NAALAD2: variants seen among roughly 807,000 people sequenced by gnomAD.
NAALAD2 encodes N-acetylated-alpha-linked acidic dipeptidase 2.
Under a neutral mutation model 95.6 loss-of-function variants are expected in NAALAD2, and 89 were observed. The observed-to-expected ratio is 0.93, with a 90% CI of 0.78 to 1.11. The LOEUF (loss-of-function observed/expected upper bound fraction) is 1.11, where lower values mean the gene tolerates loss of function less well. Ranked by LOEUF, NAALAD2 falls within the 50% of genes least tolerant of loss-of-function variation. The pLI, the probability that NAALAD2 is intolerant of heterozygous loss-of-function variation, is 0.00. For missense variants in NAALAD2, 894 were observed against 872.4 expected (o/e 1.02, Z -0.31); for synonymous variants, 264 against 294.4 (o/e 0.90, Z 1.06).
At chr11:90,139,241 A>G (rs1951540905) in intron 2 of NAALAD2, among the ~76,000 whole-genome samples, 1 of 151,784 alleles carries the variant, frequency 6.6e-6, no homozygotes, top group African/African-American at 2.4e-5. Context: ...TTGTTGTACA[A>G]ACAAAAGACT....
chr11:90,133,802 G>A (rs1046448668), upstream of NAALAD2, among the ~76,000 whole-genome samples: 5 of 151,290 alleles, frequency 3.3e-5, no homozygotes, highest in Non-Finnish European at 7.4e-5. Flanking sequence ...ATATTAGTTC[G>A]GTTAATGAAA....
At chr11:90,155,642 A>T (rs1952079562) in intron 6 of NAALAD2, among the ~76,000 whole-genome samples, 1 of 86,558 alleles carries the variant, frequency 1.2e-5, no homozygotes, top group Admixed American at 1.5e-4. Context: ...ATATATATAT[A>T]ATTATTACAT....
At chr11:90,183,141 A>G in intron 18 of NAALAD2, 133 bp downstream of exon 18, 1 of 589,800 alleles carries the variant, frequency 1.7e-6, no homozygotes, top group Admixed American at 2.7e-5. Context: ...AAGATTGTAC[A>G]TTTAATAATA....
At chr11:90,161,936 AAAC>A (rs568110905) in intron 8 of NAALAD2, among the ~76,000 whole-genome samples, 177 of 152,212 alleles carry the variant, frequency 1.2e-3, no homozygotes, top group African/African-American at 4.2e-3. Flanking sequence ...AAAAAAAAAA[AAAC>A]ATCGATTAGT....
chr11:90,174,459 C>T (rs1036942729), intron 14 of NAALAD2, among the ~76,000 whole-genome samples: 6 of 152,068 alleles, frequency 3.9e-5, no homozygotes, highest in South Asian at 4.1e-4. Flanking sequence ...AAAATAGTTT[C>T]GCTACATTAT....
intron 12 of NAALAD2, 70 bp downstream of exon 12, chr11:90,169,062 G>T: frequency 1.8e-6 from 2 of 1,086,868 alleles, no homozygotes; most frequent in Non-Finnish European, 2.8e-6. Context: ...TTTTATTATT[G>T]AGTAGAATAC....
At position 90,191,821 on chromosome 11, in the gene NAALAD2, T is replaced by C. The variant is rs148950578; in HGVS notation, c.*74T>C. On this transcript the variant is annotated 3_prime_UTR_variant, in exon 19 of 19. Transcript: ENST00000534061. Reference sequence around the variant, plus strand: ...TAAAATTCACCTTTCTGATAACTTATGAAGCCAGGGTGTTCTAAACTCTTT... The same window carrying C: ...TAAAATTCACCTTTCTGATAACTTACGAAGCCAGGGTGTTCTAAACTCTTT... The C allele has an allele frequency of 5.2e-5, 64 of 1,231,326 alleles. No individual in the cohort carries two copies. The highest frequency in any genetic ancestry group is 5.8e-5 in the Non-Finnish European group (53 of 917,954). 76.3% of individuals were successfully genotyped at this position (1,231,326 alleles called of 1,614,324 possible). A position where few individuals can be genotyped will look rare whatever the true frequency, so the allele number is the denominator to read the frequency against.
intron 5 of NAALAD2, among the ~76,000 whole-genome samples, chr11:90,151,693 T>C (rs1171052494): frequency 6.6e-6 from 1 of 152,194 alleles, no homozygotes; most frequent in African/African-American, 2.4e-5. Flanking sequence ...CATCTTCTGC[T>C]ACAATACTTT....
At chr11:90,177,586 G>GTTTTTTTTTATTTTTTTT (rs1952833548) in intron 15 of NAALAD2, among the ~76,000 whole-genome samples, 1 of 28,456 alleles carries the variant, frequency 3.5e-5, no homozygotes, top group Admixed American at 5.3e-4. Flanking sequence ...TCTTTTTCTT[G>GTTTTTTTTTATTTTTTTT]TTTTTTTTTT....
chr11:90,154,055 G>C (rs200318874), intron 6 of NAALAD2, among the ~76,000 whole-genome samples: 3 of 131,596 alleles, frequency 2.3e-5, no homozygotes, highest in African/African-American at 8.4e-5. Flanking sequence ...CTCTCTCTCT[G>C]TCTCTCTCTC....
rs779028876 is a variant in NAALAD2 at position 90,181,604 on chromosome 11, T to A, written c.1859-16T>A. The A allele has an allele frequency of 1.9e-6, 3 of 1,552,834 alleles. No individual in the cohort carries two copies. In the East Asian group the frequency reaches 6.7e-5, roughly 35 times the overall value. ...TATGAGCTAATTTCTCTTCTTCTTT[T>A]CTATTTTTAAAAAAGACTCCTTATT... is the stretch of plus-strand genomic sequence containing the variant. On this transcript the variant is annotated splice_polypyrimidine_tract_variant and intron_variant, in intron 16 of 18. Coordinates refer to ENST00000534061, the MANE Select transcript of NAALAD2 (RefSeq NM_005467.4).
At chr11:90,141,936 A>G (rs1951630589) in intron 2 of NAALAD2, among the ~76,000 whole-genome samples, 1 of 152,124 alleles carries the variant, frequency 6.6e-6, no homozygotes, top group African/African-American at 2.4e-5. Context: ...TGGAAACTCC[A>G]TTACTCTGTT....
intron 18 of NAALAD2, among the ~76,000 whole-genome samples, chr11:90,188,501 GT>G (rs1208169780): frequency 6.6e-6 from 1 of 152,166 alleles, no homozygotes; most frequent in Non-Finnish European, 1.5e-5. Flanking sequence ...TACAAGATCA[GT>G]GTCAACCAAT....
Position 90,147,447 on chromosome 11 carries a change from T to C in NAALAD2, c.312T>C (p.Asp104=), listed in dbSNP as rs774134299. 6.2e-7 allele frequency: 1 copy of C among 1,614,068 alleles called. No homozygotes were observed. The highest frequency in any genetic ancestry group is 1.7e-5 in the Admixed American group (1 of 60,026). The part of the protein sequence containing the change: ...GLDSAKLVHY[D]VLLSYPNETN... Reference sequence around the variant, plus strand: ...ATTCAGCCAAGTTGGTTCATTATGATGTCCTCTTATCTTACCCCAATGAGA... The same window carrying C: ...ATTCAGCCAAGTTGGTTCATTATGACGTCCTCTTATCTTACCCCAATGAGA... Residue 104 remains aspartate (D), a synonymous_variant, in exon 3 of 19, where the codon GAT becomes GAC. Coordinates refer to ENST00000534061, the MANE Select transcript of NAALAD2 (RefSeq NM_005467.4).
At chr11:90,166,759 C>G (rs1952463561) in intron 11 of NAALAD2, among the ~76,000 whole-genome samples, 1 of 150,310 alleles carries the variant, frequency 6.7e-6, no homozygotes, top group South Asian at 2.1e-4. Context: ...GGCGTGAACC[C>G]GGGAGGTGGA....
intron 3 of NAALAD2, among the ~76,000 whole-genome samples, chr11:90,147,862 C>A (rs570142042): frequency 1.3e-5 from 2 of 152,240 alleles, no homozygotes; most frequent in South Asian, 4.1e-4. Flanking sequence ...CATGAAAGGA[C>A]ATAGGAGTTA....
In NAALAD2 at chr11:90,166,849, A is replaced by AAG. The variant is rs1555122559; in HGVS notation, c.1279-2079_1279-2078insGA. On this transcript the variant is annotated intron_variant, in intron 11 of 18. Coordinates refer to ENST00000534061, the MANE Select transcript of NAALAD2 (RefSeq NM_005467.4). ...GATTCTGTCTCCAAAAAAAAAAAAA[A>AAG]AAAGAAAATGCAGATTTCCACCCGG... Among the ~76,000 whole-genome samples the AAG allele has an allele frequency of 3.6e-3, 536 of 148,932 alleles. 5 individuals are homozygous for AAG. The highest frequency in any genetic ancestry group is 3.2e-3 in the South Asian group (15 of 4,712).
Position 90,168,923 on chromosome 11 carries a change from C to A in NAALAD2, c.1279-6C>A. 3.1e-6 allele frequency: 5 copies of A among 1,603,302 alleles called. No homozygotes were observed. The highest frequency in any genetic ancestry group is 3.4e-6 in the Non-Finnish European group (4 of 1,174,466). Reference sequence around the variant, plus strand: ...GAATTAAGTAACAACTTTGCTTCAACTACAGGAGAATGTCAAAATACTCCA... The same window carrying A: ...GAATTAAGTAACAACTTTGCTTCAAATACAGGAGAATGTCAAAATACTCCA... On this transcript the variant is annotated splice_polypyrimidine_tract_variant and splice_region_variant and intron_variant, in intron 11 of 18. Coordinates refer to ENST00000534061, the MANE Select transcript of NAALAD2 (RefSeq NM_005467.4).
intron 3 of NAALAD2, 109 bp from the exon 4 acceptor site, chr11:90,148,897 A>ACCTT (rs1565515796): frequency 3.3e-6 from 2 of 610,034 alleles, no homozygotes; most frequent in Non-Finnish European, 5.8e-6. Flanking sequence ...CTATTACAGA[A>ACCTT]CCTTGTTCCA....
Sources: gnomAD v4.1 joint callset for allele counts (sites outside exome capture counted in the v4.1 genomes callset) on GRCh38, gnomAD v4.1.1 for gene constraint, MANE v1.5 for transcripts, NCBI Gene and HGNC (gene_info 2026-07-23, HGNC 2026-07-21) for gene names.